HTATSF1: variants seen among roughly 807,000 people sequenced by gnomAD.
HTATSF1 encodes 17S U2 SnRNP complex component HTATSF1.
Under a neutral mutation model 46.1 loss-of-function variants are expected in HTATSF1, and 6 were observed. The observed-to-expected ratio is 0.13, with a 90% CI of 0.07 to 0.26. HTATSF1 has a LOEUF of 0.26. HTATSF1 is among the 10% of genes least tolerant of loss of function. The pLI is 1.00. For missense variants in HTATSF1, 452 were observed against 559.9 expected, an observed-to-expected ratio of 0.81 and a Z score of 1.94; for synonymous variants, 226 against 211.5, an observed-to-expected ratio of 1.07 and a Z score of -0.60.
chrX:136,502,402 T>G (rs2075722195), intron 4 of HTATSF1, among the ~76,000 whole-genome samples: 1 of 111,992 alleles, frequency 8.9e-6, no homozygotes, highest in Non-Finnish European at 1.9e-5. Flanking sequence ...AATTACCCAA[T>G]AATAATATTT....
At chrX:136,508,137 A>G (rs1329867978) in intron 6 of HTATSF1, among the ~76,000 whole-genome samples, 1 of 112,394 alleles carries the variant, frequency 8.9e-6, no homozygotes, top group South Asian at 3.6e-4. Context: ...GAAGAACCTT[A>G]TGGGAGGAAA....
In HTATSF1 at chrX:136,497,744, A is replaced by G; in HGVS notation, c.60A>G (p.Glu20=). Residue 20 remains glutamate, a synonymous_variant, in exon 1 of 9, where the codon GAA becomes GAG. Transcript: ENST00000218364. The part of the protein sequence containing the change: ...DEFDEQLRMQ[E]LYGDGKDGDT... The stretch of plus-strand genomic sequence containing the variant: ...TTGATGAGCAGTTGCGAATGCAAGA[A>G]TTGTACGGAGACGGCAAGGATGGTG... 8 of 1,207,094 alleles carry G rather than the reference A, an allele frequency of 6.6e-6. No homozygotes were observed. Among genetic ancestry groups the G allele is most frequent in the Non-Finnish European group, 9.0e-6 (8 of 891,799 alleles).
chrX:136,501,303 C>T (rs1268739273), intron 4 of HTATSF1, among the ~76,000 whole-genome samples: 3 of 112,362 alleles, frequency 2.7e-5, no homozygotes, highest in Non-Finnish European at 5.6e-5. Context: ...TGAGTGGTTG[C>T]AGCACAGACC....
rs751817918 is a variant in HTATSF1 at position 136,511,294 on chromosome X, C to T, written c.1549C>T (p.Leu517Phe). The stretch of plus-strand genomic sequence containing the variant: ...CAAAAATGATTGTGAAGAGAATGGC[C>T]TTGCAAAGGAATCTGAAGATGACCT... ...TLKNDCEENGLAKESEDDLNK... is the reference protein window; with the variant it reads ...TLKNDCEENGFAKESEDDLNK... Residue 517 changes from leucine (L) to phenylalanine (F), a missense_variant, in exon 9 of 9, where the codon CTT (leucine) becomes TTT (phenylalanine). Around this residue, in one of 3 missense-constraint regions of HTATSF1, gnomAD observed 246 missense variants for 245.3 expected, o/e 1.00. Coordinates refer to ENST00000218364, the MANE Select transcript of HTATSF1 (RefSeq NM_014500.5). 5.0e-6 allele frequency: 6 copies of T among 1,207,310 alleles called. No homozygotes were observed. The highest frequency in any genetic ancestry group is 5.6e-6 in the Non-Finnish European group (5 of 894,476).
At chrX:136,498,623 G>A (rs1194879050) in intron 1 of HTATSF1, among the ~76,000 whole-genome samples, 3 of 112,202 alleles carry the variant, frequency 2.7e-5, no homozygotes, top group Non-Finnish European at 5.6e-5. Flanking sequence ...TCTCCACTGC[G>A]CGACTGGACT....
chrX:136,511,315 G>A lies in HTATSF1; in HGVS notation c.1570G>A (p.Asp524Asn). The A allele has an allele frequency of 8.3e-7, 1 of 1,206,330 alleles. No homozygotes were observed. Among genetic ancestry groups the A allele is most frequent in the Non-Finnish European group, 1.1e-6 (1 of 894,065 alleles). The change falls in exon 9 of 9, where the codon GAC (aspartate) becomes AAC (asparagine). Residue 524 changes from aspartate (D) to asparagine (N), a missense_variant. Asp to Asn is a conservative substitution (Grantham distance 23). Around this residue, in one of 3 missense-constraint regions of HTATSF1, gnomAD observed 246 missense variants for 245.3 expected, o/e 1.00. Transcript: ENST00000218364. ...TGGCCTTGCAAAGGAATCTGAAGAT[G>A]ACCTCAACAAGGAGTCTGAAGAGGA... Reference protein sequence around the residue: ...ENGLAKESEDDLNKESEEEVG... With the variant: ...ENGLAKESEDNLNKESEEEVG...
At chrX:136,509,966 A>G (rs2075759667) in intron 7 of HTATSF1, 116 bp from the exon 8 acceptor site, 1 of 623,041 alleles carries the variant, frequency 1.6e-6, no homozygotes, top group South Asian at 4.2e-5. Context: ...TCATACATAA[A>G]GTCTTTTACT....
chrX:136,497,990 G>C (rs2075700359), intron 1 of HTATSF1, 120 bp downstream of exon 1: 2 of 451,155 alleles, frequency 4.4e-6, no homozygotes, highest in Non-Finnish European at 3.5e-6. Context: ...CTTGAATAGC[G>C]ACGCTTCTTT....
intron 7 of HTATSF1, 53 bp downstream of exon 7, chrX:136,509,233 A>G (rs1220382515): frequency 1.1e-6 from 1 of 876,044 alleles, no homozygotes; most frequent in African/African-American, 1.9e-5. Context: ...CCTCCACCTT[A>G]TAAGTTCTTC....
Position 136,499,756 on chromosome X carries a change from A to C in HTATSF1, c.345A>C (p.Gly115=), listed in dbSNP as rs1324330032. 3 of 1,176,161 alleles carry C rather than the reference A, an allele frequency of 2.6e-6. No individual in the cohort carries two copies. Among genetic ancestry groups the C allele is most frequent in the Non-Finnish European group, 3.4e-6 (3 of 884,338 alleles). Residue 115 remains glycine, a synonymous_variant, in exon 2 of 9, where the codon GGA becomes GGC. Coordinates refer to ENST00000218364, the MANE Select transcript of HTATSF1 (RefSeq NM_014500.5). Reference sequence around the variant, plus strand: ...AACCCACTGATGCCAGAAAGAAGGGAGAAAAAAGAAAGGCTGAGTCAGGTA... The same window carrying C: ...AACCCACTGATGCCAGAAAGAAGGGCGAAAAAAGAAAGGCTGAGTCAGGTA... ...APEPTDARKK[G]EKRKAESGWF...
At chrX:136,502,703 C>A in intron 4 of HTATSF1, 75 bp from the exon 5 acceptor site, 2 of 491,161 alleles carry the variant, frequency 4.1e-6, no homozygotes, top group Non-Finnish European at 6.3e-6. Flanking sequence ...TATGTATAAT[C>A]ATCGTTCATC....
chrX:136,498,622 C>T (rs896524062), intron 1 of HTATSF1, among the ~76,000 whole-genome samples: 69 of 112,261 alleles, frequency 6.1e-4, no homozygotes, highest in African/African-American at 2.2e-3. Context: ...GTCTCCACTG[C>T]GCGACTGGAC....
At chrX:136,506,336 C>T (rs867687443) in intron 6 of HTATSF1, among the ~76,000 whole-genome samples, 2 of 111,355 alleles carry the variant, frequency 1.8e-5, no homozygotes, top group Admixed American at 9.5e-5. Context: ...TTTGGAGTTA[C>T]AGAGCCTTTA....
chrX:136,500,875 G>A, intron 4 of HTATSF1, 57 bp downstream of exon 4: 1 of 848,588 alleles, frequency 1.2e-6, no homozygotes, highest in Non-Finnish European at 1.6e-6. Context: ...CAGGAACCAG[G>A]GCTATAATTT....
At chrX:136,502,280 T>C (rs1422690094) in intron 4 of HTATSF1, among the ~76,000 whole-genome samples, 1 of 111,998 alleles carries the variant, frequency 8.9e-6, no homozygotes, top group African/African-American at 3.2e-5. Flanking sequence ...CCTTGAGTCA[T>C]CTAGTCTTTT....
At chrX:136,501,306 CA>C (rs1318177803) in intron 4 of HTATSF1, among the ~76,000 whole-genome samples, 1 of 112,415 alleles carries the variant, frequency 8.9e-6, no homozygotes, top group African/African-American at 3.2e-5. Flanking sequence ...GTGGTTGCAG[CA>C]CAGACCTTGT....
At chrX:136,503,110 T>G (rs907287274) in intron 5 of HTATSF1, among the ~76,000 whole-genome samples, 169 bp downstream of exon 5, 5 of 112,105 alleles carry the variant, frequency 4.5e-5, no homozygotes, top group Non-Finnish European at 7.5e-5. Flanking sequence ...GATTTAGCAG[T>G]GGTGGGGATT....
At chrX:136,504,103 T>C (rs1301498520) in intron 5 of HTATSF1, among the ~76,000 whole-genome samples, 1 of 111,508 alleles carries the variant, frequency 9.0e-6, no homozygotes, top group African/African-American at 3.3e-5. Context: ...ACTCCTGGCC[T>C]CAAGTGATCC....
chrX:136,507,881 C>CCACA (rs753673542), intron 6 of HTATSF1, among the ~76,000 whole-genome samples: 6 of 109,633 alleles, frequency 5.5e-5, no homozygotes, highest in African/African-American at 2.0e-4. Flanking sequence ...GGAGCTAACC[C>CCACA]CACACACACA....
Sources: allele counts gnomAD v4.1 joint callset (sites outside exome capture counted in the v4.1 genomes callset), GRCh38; gene constraint gnomAD v4.1.1; regional missense constraint gnomAD v4.1.1; transcripts MANE v1.5; gene names NCBI Gene and HGNC (gene_info 2026-07-23, HGNC 2026-07-21).